Variants in KIRREL2 observed in about 807,000 individuals in gnomAD.
The protein encoded by KIRREL2 is kin of IRRE-like protein 2.
A neutral mutation model predicts 73.4 loss-of-function variants in KIRREL2; 56 were observed. The ratio of observed to expected loss-of-function variants is 0.76; its 90% CI spans 0.62 to 0.95. KIRREL2 has a LOEUF of 0.95. KIRREL2 is among the 40% of genes least tolerant of loss of function. The pLI is 0.00. For synonymous variants in KIRREL2, 407 were observed against 404.0 expected, an observed-to-expected ratio of 1.01 and a Z score of -0.09; for missense variants, 896 against 935.0, an observed-to-expected ratio of 0.96 and a Z score of 0.54.
At chr19:35,851,764 C>T (rs916445290), upstream of KIRREL2, 1 of 1,554,852 alleles carries the variant, frequency 6.4e-7, no homozygotes, top group East Asian at 2.4e-5. Context: ...GGGTACAAGG[C>T]TGGGATCCCA....
upstream of KIRREL2, chr19:35,851,741 G>T (rs977769663): frequency 1.7e-5 from 27 of 1,557,556 alleles, no homozygotes; most frequent in Non-Finnish European, 2.3e-5. Context: ...GGAAATGGGG[G>T]CCACTTGGCG....
upstream of KIRREL2, among the ~76,000 whole-genome samples, chr19:35,853,054 C>G (rs777366824): frequency 2.2e-4 from 34 of 152,002 alleles, no homozygotes; most frequent in Middle Eastern, 6.8e-3. Context: ...CTCAGCCTCC[C>G]AAAATGCTGG....
chr19:35,863,516 G>A (rs957863323), intron 13 of KIRREL2, among the ~76,000 whole-genome samples: 1 of 149,388 alleles, frequency 6.7e-6, no homozygotes, highest in African/African-American at 2.5e-5. Context: ...ACAGTGCTGC[G>A]ATCTCGGCTC....
At position 35,861,217 on chromosome 19, in the gene KIRREL2, G is replaced by T. The variant is rs759060093; in HGVS notation, c.1152G>T (p.Leu384=). Residue 384 remains leucine, a synonymous_variant, in exon 9 of 15, where the codon CTG becomes CTT. Transcript: ENST00000360202. ...VCRAEAGLSG[L]RGGAAEARLT... ...GAGCTGAGGCTGGGCTATCGGGCCT[G>T]CGGGGCGGCGCCGCGGAGGCTCGGC... is the stretch of plus-strand genomic sequence containing the variant. 3 of 1,539,526 alleles carry T rather than the reference G, an allele frequency of 1.9e-6. No homozygotes were observed. In the South Asian group the frequency reaches 3.7e-5, roughly 19 times the overall value.
Position 35,861,922 on chromosome 19 carries a change from C to T in KIRREL2, c.1408C>T (p.His470Tyr). 1.2e-6 allele frequency: 2 copies of T among 1,612,196 alleles called. No individual in the cohort carries two copies. The highest frequency in any genetic ancestry group is 2.2e-5 in the South Asian group (2 of 90,532). ...GGGTCCGGGCCTGATCTCTGTGCTACACATTTCGGGGACCCAGGAGTCTGA... is the reference window on the plus strand; with the variant it reads ...GGGTCCGGGCCTGATCTCTGTGCTATACATTTCGGGGACCCAGGAGTCTGA... Reference protein sequence around the residue: ...GLGPGLISVLHISGTQESDFS... With the variant: ...GLGPGLISVLYISGTQESDFS... The change falls in exon 11 of 15, where the codon CAC (histidine) becomes TAC (tyrosine). Residue 470 changes from histidine (H) to tyrosine (Y), a missense_variant. By Grantham distance (83) the His-to-Tyr change is moderately conservative. Transcript: ENST00000360202.
rs760650956 is a variant in KIRREL2, at chr19:35,860,655, C to T, written c.916C>T (p.Leu306=). Residue 306 remains leucine (L), a synonymous_variant, in exon 7 of 15, where the codon CTG becomes TTG. Coordinates refer to ENST00000360202, the MANE Select transcript of KIRREL2 (RefSeq NM_199180.4). ...AVGSANRSTA[L]DVLFGPILQA... ...GGGTAGCGCCAACCGCAGTACTGCGCTGGATGTGCTGTGTGAGCTGGGGCC... is the reference window on the plus strand; with the variant it reads ...GGGTAGCGCCAACCGCAGTACTGCGTTGGATGTGCTGTGTGAGCTGGGGCC... The T allele has an allele frequency of 1.2e-6, 2 of 1,602,840 alleles. No individual in the cohort carries two copies. Among genetic ancestry groups the T allele is most frequent in the South Asian group, 1.1e-5 (1 of 91,014 alleles).
intron 13 of KIRREL2, 100 bp downstream of exon 13, chr19:35,863,136 G>C: frequency 2.9e-6 from 2 of 688,412 alleles, no homozygotes; most frequent in Non-Finnish European, 5.1e-6. Context: ...CTAAGGCCAG[G>C]CATGGTGCCT....
At position 35,862,552 on chromosome 19, in the gene KIRREL2, A is replaced by C; in HGVS notation, c.1570A>C (p.Met524Leu). The part of the protein sequence containing the change: ...GVAAATTTLL[M>L]VITGVALCCW... Reference sequence around the variant, plus strand: ...GGCCGCTGCCACCACAACTCTCCTTATGGTCATCACTGGGGTGGCCCTCTG... The same window carrying C: ...GGCCGCTGCCACCACAACTCTCCTTCTGGTCATCACTGGGGTGGCCCTCTG... Residue 524 changes from methionine (M) to leucine (L), a missense_variant, in exon 12 of 15, where the codon ATG (methionine) becomes CTG (leucine). By Grantham distance (15) the Met-to-Leu change is conservative. Coordinates refer to ENST00000360202, the MANE Select transcript of KIRREL2 (RefSeq NM_199180.4). The C allele has an allele frequency of 6.2e-7, 1 of 1,610,272 alleles. No individual in the cohort carries two copies. Among genetic ancestry groups the C allele is most frequent in the Non-Finnish European group, 8.5e-7 (1 of 1,179,914 alleles).
intron 12 of KIRREL2, 101 bp downstream of exon 12, chr19:35,862,698 A>C: frequency 1.1e-6 from 1 of 907,816 alleles, no homozygotes; most frequent in Non-Finnish European, 1.8e-6. Context: ...CTCCAGTCCC[A>C]TTTCCAGCTC....
Position 35,866,618 on chromosome 19 carries a change from C to T in KIRREL2, c.*126C>T, listed in dbSNP as rs979579068. ...ACTGAACACAAGGGGAGGGAAAGAT[C>T]ATTACATTTGTCAGGAGCATTTGTA... On this transcript the variant is annotated 3_prime_UTR_variant, in exon 15 of 15. Coordinates refer to ENST00000360202, the MANE Select transcript of KIRREL2 (RefSeq NM_199180.4). 91 of 1,393,542 alleles carry T rather than the reference C, an allele frequency of 6.5e-5. 2 individuals are homozygous for T. In the South Asian group the frequency reaches 1.1e-3, roughly 17 times the overall value. The allele number at this position is 1,393,542 out of a possible 1,614,324, so 86.3% of individuals were successfully genotyped here.
intron 11 of KIRREL2, 120 bp downstream of exon 11, chr19:35,862,144 C>T (rs1282663462): frequency 1.7e-5 from 14 of 805,772 alleles, no homozygotes; most frequent in African/African-American, 8.7e-5. Flanking sequence ...CTCCAAACCT[C>T]GGGAGTCTCA....
chr19:35,865,503 C>T (rs536845208), intron 14 of KIRREL2, among the ~76,000 whole-genome samples: 1 of 152,300 alleles, frequency 6.6e-6, no homozygotes, highest in Non-Finnish European at 1.5e-5. Flanking sequence ...CCATGTCTAC[C>T]TAATTCCTTC....
intron 2 of KIRREL2, among the ~76,000 whole-genome samples, chr19:35,857,761 A>G (rs1973488167): frequency 6.6e-6 from 1 of 152,096 alleles, no homozygotes; most frequent in Non-Finnish European, 1.5e-5. Flanking sequence ...AGGCCAGAGG[A>G]TCGCTTGAAA....
At chr19:35,860,186 G>A (rs1973602004) in intron 5 of KIRREL2, 111 bp from the exon 6 acceptor site, 2 of 807,596 alleles carry the variant, frequency 2.5e-6, no homozygotes, top group South Asian at 3.5e-5. Flanking sequence ...AAGGGAGAAG[G>A]GGATTAGGGG....
upstream of KIRREL2, among the ~76,000 whole-genome samples, chr19:35,853,819 C>G (rs962700928): frequency 1.4e-5 from 2 of 145,080 alleles, no homozygotes; most frequent in Non-Finnish European, 3.0e-5. Flanking sequence ...ACTACAGGCC[C>G]GCATCACCAC....
At chr19:35,854,183 A>G (rs1973352294), upstream of KIRREL2, among the ~76,000 whole-genome samples, 1 of 151,798 alleles carries the variant, frequency 6.6e-6, no homozygotes, top group Non-Finnish European at 1.5e-5. Flanking sequence ...GCAGAGACAG[A>G]GTCTTGCTAT....
chr19:35,860,247 C>T (rs757512746), intron 5 of KIRREL2, 50 bp from the exon 6 acceptor site: 17 of 1,489,996 alleles, frequency 1.1e-5, no homozygotes, highest in Middle Eastern at 3.5e-4. Context: ...AGGCCAGTGA[C>T]GGAGGTGTTC....
In KIRREL2 at chr19:35,864,700, C is replaced by T. The variant is rs752905760; in HGVS notation, c.1778C>T (p.Thr593Ile). 9.9e-6 allele frequency: 16 copies of T among 1,612,148 alleles called. No homozygotes were observed. The highest frequency in any genetic ancestry group is 9.4e-5 in the African/African-American group (7 of 74,840). ...GATCTGGTTCTGGAGGAGGAAGGGA[C>T]TCTGGAGACCAAGGTGAGTGTTGAG... ...HSDLVLEEEG[T>I]LETKDPTNGY... Residue 593 changes from threonine (T) to isoleucine (I), a missense_variant, in exon 14 of 15, where the codon ACT becomes ATT. Physicochemically the swap from Thr to Ile is moderately conservative, Grantham distance 89. Transcript: ENST00000360202.
upstream of KIRREL2, chr19:35,851,694 A>C: frequency 1.2e-6 from 2 of 1,600,442 alleles, no homozygotes; most frequent in East Asian, 2.3e-5. Flanking sequence ...GCGCGGTGCA[A>C]GGAAAGGGCA....
Sources: gnomAD v4.1 joint callset for allele counts (sites outside exome capture counted in the v4.1 genomes callset) on GRCh38, gnomAD v4.1.1 for gene constraint, MANE v1.5 for transcripts, NCBI Gene and HGNC (gene_info 2026-07-23, HGNC 2026-07-21) for gene names.